Variants in RNGTT observed in about 807,000 individuals in gnomAD.
RNGTT encodes RNA guanylyltransferase and 5'-phosphatase.
In RNGTT, 33 loss-of-function variants were observed where a neutral mutation model predicts 79.3. The ratio of observed to expected loss-of-function variants is 0.42; its 90% CI spans 0.32 to 0.56. The LOEUF (loss-of-function observed/expected upper bound fraction) is 0.56. Ranked by LOEUF, RNGTT falls within the 20% of genes least tolerant of loss-of-function variation. The pLI is 0.17. For missense variants in RNGTT, 497 were observed against 739.1 expected (o/e 0.67, Z 3.80); for synonymous variants, 222 against 235.9 (o/e 0.94, Z 0.54).
At chr6:88,874,571 A>C (rs1167913137) in intron 8 of RNGTT, among the ~76,000 whole-genome samples, 4 of 152,058 alleles carry the variant, frequency 2.6e-5, no homozygotes, top group African/African-American at 9.7e-5. Context: ...TTTTTTATCC[A>C]AGCCAGCATT....
chr6:88,913,258 TCC>T (rs1783895065), intron 4 of RNGTT, among the ~76,000 whole-genome samples: 1 of 149,304 alleles, frequency 6.7e-6, no homozygotes, highest in Non-Finnish European at 1.5e-5. Context: ...CCAGATGGAT[TCC>T]CAGCCCAATT....
intron 11 of RNGTT, among the ~76,000 whole-genome samples, 190 bp from the exon 12 acceptor site, chr6:88,801,822 GACACACACACACACACAC>G (rs56124919): frequency 1.6e-5 from 2 of 123,174 alleles, no homozygotes; most frequent in Admixed American, 8.1e-5. Flanking sequence ...CACACACACA[GACACACACACACACACAC>G]ACACACACAC....
At chr6:88,622,769 C>T (rs1031065091) in intron 14 of RNGTT, among the ~76,000 whole-genome samples, 1 of 152,042 alleles carries the variant, frequency 6.6e-6, no homozygotes, top group Non-Finnish European at 1.5e-5. Flanking sequence ...TGCCACAGTT[C>T]CTGAGCTCTA....
chr6:88,960,390 C>T (rs1241048979), intron 1 of RNGTT, among the ~76,000 whole-genome samples: 11 of 152,222 alleles, frequency 7.2e-5, no homozygotes, highest in Admixed American at 7.2e-4. Context: ...CTAGTAAGCT[C>T]TTTACATAGC....
At chr6:88,764,129 A>G (rs1470511659) in intron 13 of RNGTT, among the ~76,000 whole-genome samples, 1 of 152,140 alleles carries the variant, frequency 6.6e-6, no homozygotes, top group East Asian at 1.9e-4. Context: ...AATTTTAATA[A>G]TCTACCCTCA....
At chr6:88,736,473 T>A (rs927581975) in intron 13 of RNGTT, among the ~76,000 whole-genome samples, 1 of 152,212 alleles carries the variant, frequency 6.6e-6, no homozygotes, top group African/African-American at 2.4e-5. Flanking sequence ...GAATGATAAC[T>A]AACTTCTCTA....
Position 88,895,590 on chromosome 6 carries a change from T to G in RNGTT, c.685-3675A>C, listed in dbSNP as rs148425598. Reference sequence around the variant, plus strand: ...TATCAATATAAGAATCAGAAAAGACTGTACTTAACAAAAATAAAGTCTCAA... The same window carrying G: ...TATCAATATAAGAATCAGAAAAGACGGTACTTAACAAAAATAAAGTCTCAA... On this transcript the variant is annotated intron_variant, in intron 6 of 15. Transcript: ENST00000369485. Among the ~76,000 whole-genome samples, 181 of 152,276 alleles carry G rather than the reference T, an allele frequency of 1.2e-3. 1 individual carries two copies. The highest frequency in any genetic ancestry group is 4.2e-3 in the African/African-American group (176 of 41,552).
At chr6:88,852,171 T>A (rs1322180221) in intron 9 of RNGTT, among the ~76,000 whole-genome samples, 1 of 152,070 alleles carries the variant, frequency 6.6e-6, no homozygotes, top group Non-Finnish European at 1.5e-5. Flanking sequence ...GTCTCTTCCA[T>A]CATTACCATT....
Position 88,918,604 on chromosome 6 carries a change from A to G in RNGTT, c.367+10381T>C, listed in dbSNP as rs139367866. Among the ~76,000 whole-genome samples, 682 of 152,334 alleles carry G rather than the reference A, an allele frequency of 4.5e-3. 5 individuals are homozygous for G. Among genetic ancestry groups the G allele is most frequent in the African/African-American group, 0.016 (650 of 41,580 alleles). On this transcript the variant is annotated intron_variant, in intron 4 of 15. Coordinates refer to ENST00000369485, the MANE Select transcript of RNGTT (RefSeq NM_003800.5). Reference sequence around the variant, plus strand: ...GAAATTAAGTTTCTGAAAGAAGAAAATAAAAAACAAAGAGATCAGCCTTGA... The same window carrying G: ...GAAATTAAGTTTCTGAAAGAAGAAAGTAAAAAACAAAGAGATCAGCCTTGA...
At chr6:88,680,101 A>G (rs1241066375) in intron 13 of RNGTT, among the ~76,000 whole-genome samples, 3 of 152,226 alleles carry the variant, frequency 2.0e-5, no homozygotes, top group Non-Finnish European at 4.4e-5. Flanking sequence ...TGCAAACTCA[A>G]AACAATCAAA....
intron 14 of RNGTT, among the ~76,000 whole-genome samples, chr6:88,640,571 A>G (rs1244244141): frequency 6.6e-6 from 1 of 150,944 alleles, no homozygotes; most frequent in African/African-American, 2.5e-5. Flanking sequence ...GAAAAGAAAA[A>G]AAAAAAAGAG....
intron 12 of RNGTT, among the ~76,000 whole-genome samples, chr6:88,781,877 C>A (rs1164603645): frequency 1.3e-5 from 2 of 152,016 alleles, no homozygotes; most frequent in Non-Finnish European, 2.9e-5. Flanking sequence ...CATATTCCAC[C>A]AATTATCTCT....
rs879902651 is a variant in RNGTT, at chr6:88,794,986, A to G, written c.1338+6578T>C. Among the ~76,000 whole-genome samples the G allele has an allele frequency of 3.9e-5, 6 of 152,176 alleles. No individual in the cohort carries two copies. In the East Asian group the frequency reaches 7.7e-4, roughly 20 times the overall value. On this transcript the variant is annotated intron_variant, in intron 12 of 15. Coordinates refer to ENST00000369485, the MANE Select transcript of RNGTT (RefSeq NM_003800.5). ...GCTACCAGAGAACTGAAAAATCTCC[A>G]TATCAGAGAAGTAGAAGGTACAGGT...
At chr6:88,696,023 T>C (rs9359806) in intron 13 of RNGTT, among the ~76,000 whole-genome samples, 1 of 152,160 alleles carries the variant, frequency 6.6e-6, no homozygotes, top group Non-Finnish European at 1.5e-5. Flanking sequence ...AGGGAGATGT[T>C]GATCAAAGCG....
intron 14 of RNGTT, among the ~76,000 whole-genome samples, chr6:88,667,051 A>T (rs1318429232): frequency 6.6e-6 from 1 of 152,228 alleles, no homozygotes; most frequent in African/African-American, 2.4e-5. Flanking sequence ...TGCATTGTAA[A>T]GGACATCAGT....
chr6:88,858,718 C>A (rs905016313), intron 8 of RNGTT, among the ~76,000 whole-genome samples: 1 of 152,146 alleles, frequency 6.6e-6, no homozygotes, highest in African/African-American at 2.4e-5. Context: ...AAAATTTAGA[C>A]AATAGTTTGT....
chr6:88,628,869 G>T (rs557412104), intron 14 of RNGTT, among the ~76,000 whole-genome samples: 5 of 152,138 alleles, frequency 3.3e-5, no homozygotes, highest in Non-Finnish European at 7.4e-5. Flanking sequence ...AACAGTTAAA[G>T]AGCTAAGGGA....
chr6:88,861,289 C>T (rs913284017), intron 8 of RNGTT, among the ~76,000 whole-genome samples: 6 of 151,980 alleles, frequency 3.9e-5, no homozygotes, highest in African/African-American at 1.5e-4. Flanking sequence ...ATATATAAAC[C>T]TTCCTCACAT....
intron 11 of RNGTT, among the ~76,000 whole-genome samples, chr6:88,833,229 G>A (rs1230050834): frequency 6.6e-6 from 1 of 152,162 alleles, no homozygotes; most frequent in African/African-American, 2.4e-5. Flanking sequence ...AGACACCATG[G>A]AATACTATGC....
Sources: gnomAD v4.1 joint callset for allele counts (sites outside exome capture counted in the v4.1 genomes callset) on GRCh38, gnomAD v4.1.1 for gene constraint, MANE v1.5 for transcripts, NCBI Gene and HGNC (gene_info 2026-07-23, HGNC 2026-07-21) for gene names.